MAGI2: variants seen among roughly 807,000 people sequenced by gnomAD.
MAGI2 encodes membrane-associated guanylate kinase, WW and PDZ domain-containing protein 2.
Under a neutral mutation model 133.3 loss-of-function variants are expected in MAGI2, and 35 were observed. The observed-to-expected ratio is 0.26, with a 90% CI of 0.20 to 0.35. The LOEUF (loss-of-function observed/expected upper bound fraction) is 0.35, where lower values mean the gene tolerates loss of function less well. Among genes scored for constraint, MAGI2 ranks in the 10% least tolerant of loss-of-function variants. The pLI is 1.00. For missense variants in MAGI2, 1,636 were observed against 1,863.4 expected, an observed-to-expected ratio of 0.88 and a Z score of 2.25; for synonymous variants, 729 against 710.6, an observed-to-expected ratio of 1.03 and a Z score of -0.41.
chr7:78,426,168 A>G (rs1799256640), intron 6 of MAGI2, among the ~76,000 whole-genome samples: 1 of 152,214 alleles, frequency 6.6e-6, no homozygotes, highest in Non-Finnish European at 1.5e-5. Flanking sequence ...TCAGAACTAA[A>G]AATTATAATA....
chr7:78,768,439 T>C (rs1243568788), intron 2 of MAGI2, among the ~76,000 whole-genome samples: 2 of 152,220 alleles, frequency 1.3e-5, no homozygotes, highest in African/African-American at 2.4e-5. Context: ...TCCATTGTTC[T>C]ACTAAAGAGG....
At chr7:79,169,274 T>C (rs1444275198) in intron 1 of MAGI2, among the ~76,000 whole-genome samples, 1 of 152,078 alleles carries the variant, frequency 6.6e-6, no homozygotes, top group African/African-American at 2.4e-5. Flanking sequence ...GAAAGGGAAA[T>C]TTGGAATGTG....
chr7:79,012,576 T>C (rs1006920738), intron 1 of MAGI2, among the ~76,000 whole-genome samples: 1 of 152,128 alleles, frequency 6.6e-6, no homozygotes, highest in African/African-American at 2.4e-5. Context: ...GTTTTTAACA[T>C]ACAAGGCCAT....
chr7:79,179,272 A>G (rs1826401489), intron 1 of MAGI2, among the ~76,000 whole-genome samples: 1 of 152,130 alleles, frequency 6.6e-6, no homozygotes, highest in African/African-American at 2.4e-5. Context: ...CTATTTTCAT[A>G]TAAACAATTC....
intron 1 of MAGI2, among the ~76,000 whole-genome samples, chr7:79,431,072 G>T (rs1847744454): frequency 1.3e-5 from 2 of 152,054 alleles, no homozygotes; most frequent in African/African-American, 4.8e-5. Context: ...ATAATAATTG[G>T]AACCAGCAGA....
intron 1 of MAGI2, among the ~76,000 whole-genome samples, chr7:79,157,740 T>A (rs999898346): frequency 6.6e-6 from 1 of 151,996 alleles, no homozygotes; most frequent in African/African-American, 2.4e-5. Flanking sequence ...AAGTTTGACT[T>A]GCCAACTATA....
intron 4 of MAGI2, among the ~76,000 whole-genome samples, chr7:78,505,718 T>G (rs1795025807): frequency 6.6e-6 from 1 of 152,184 alleles, no homozygotes; most frequent in Non-Finnish European, 1.5e-5. Context: ...TATGTCAAGA[T>G]GTGTAGTCTT....
intron 2 of MAGI2, among the ~76,000 whole-genome samples, chr7:78,765,150 A>T (rs912224806): frequency 1.3e-5 from 2 of 152,144 alleles, no homozygotes; most frequent in African/African-American, 2.4e-5. Flanking sequence ...TCTTACATGG[A>T]AAATCCTGAC....
chr7:79,050,758 A>T (rs1360379675), intron 1 of MAGI2, among the ~76,000 whole-genome samples: 1 of 152,184 alleles, frequency 6.6e-6, no homozygotes, highest in African/African-American at 2.4e-5. Context: ...TGACTCACCA[A>T]CATTCAGTGA....
At chr7:79,400,291 A>G (rs181089060) in intron 1 of MAGI2, among the ~76,000 whole-genome samples, 2 of 152,332 alleles carry the variant, frequency 1.3e-5, no homozygotes, top group Admixed American at 1.3e-4. Context: ...TTTATAAGGT[A>G]TACATACACA....
chr7:78,502,061 G>A (rs1382825819), intron 4 of MAGI2, among the ~76,000 whole-genome samples: 1 of 152,156 alleles, frequency 6.6e-6, no homozygotes, highest in Admixed American at 6.5e-5. Context: ...GGTATGGTGA[G>A]CAGAATAATG....
chr7:78,211,563 C>G (rs1787771273), intron 10 of MAGI2, among the ~76,000 whole-genome samples: 1 of 152,126 alleles, frequency 6.6e-6, no homozygotes, highest in Admixed American at 6.5e-5. Flanking sequence ...GATTGAGTCC[C>G]CTAACCTCTC....
intron 2 of MAGI2, among the ~76,000 whole-genome samples, chr7:78,697,305 T>C (rs1817623167): frequency 6.6e-6 from 1 of 152,210 alleles, no homozygotes; most frequent in African/African-American, 2.4e-5. Flanking sequence ...TCTGGCTTAT[T>C]GAGGCTTGGT....
chr7:78,019,760 T>C lies in MAGI2; in HGVS notation c.3923A>G (p.Gln1308Arg), dbSNP rs2151031258. 6.2e-7 allele frequency: 1 copy of C among 1,612,434 alleles called. No homozygotes were observed. Among genetic ancestry groups the C allele is most frequent in the South Asian group, 1.1e-5 (1 of 91,048 alleles). Residue 1308 changes from glutamine (Q) to arginine (R), a missense_variant, in exon 22 of 22, where the codon CAG becomes CGG. Gln to Arg is a conservative substitution (Grantham distance 43). Transcript: ENST00000354212. ...KELSACGQKK[Q>R]RLGEQRERSA... ...GCGCTCCCTCTGCTCCCCGAGGCGC[T>C]GCTTCTTCTGGCCGCAGGCTGAAAG... is the stretch of plus-strand genomic sequence containing the variant.
chr7:79,267,711 TAGA>T (rs1336274145), intron 1 of MAGI2, among the ~76,000 whole-genome samples: 1 of 152,082 alleles, frequency 6.6e-6, no homozygotes, highest in Admixed American at 6.6e-5. Context: ...AATAGACAGA[TAGA>T]AGGAGAAAAG....
At chr7:78,402,530 C>G (rs1181737332) in intron 6 of MAGI2, among the ~76,000 whole-genome samples, 1 of 152,162 alleles carries the variant, frequency 6.6e-6, no homozygotes, top group Admixed American at 6.5e-5. Flanking sequence ...GAATTTTCAA[C>G]TAATATCATG....
chr7:78,138,921 C>T lies in MAGI2; in HGVS notation c.2846-3715G>A, dbSNP rs551248018. ...TGGAGGTTGAAAGCAATTTGAATTACGAAGAGCAAGCGAATGACTATTGAG... is the reference window on the plus strand; with the variant it reads ...TGGAGGTTGAAAGCAATTTGAATTATGAAGAGCAAGCGAATGACTATTGAG... On this transcript the variant is annotated intron_variant, in intron 16 of 21. Transcript: ENST00000354212. Among the ~76,000 whole-genome samples the T allele has an allele frequency of 1.5e-4, 23 of 152,200 alleles. No individual in the cohort carries two copies. In the East Asian group the frequency reaches 3.5e-3, roughly 23 times the overall value.
At chr7:78,094,995 GGTAT>G (rs1157337350) in intron 20 of MAGI2, among the ~76,000 whole-genome samples, 5 of 151,960 alleles carry the variant, frequency 3.3e-5, no homozygotes, top group Admixed American at 6.6e-5. Context: ...CTGGTAGCAG[GGTAT>G]GTATGAGGGA....
intron 1 of MAGI2, among the ~76,000 whole-genome samples, chr7:79,197,336 T>G (rs1285505776): frequency 6.6e-6 from 1 of 152,028 alleles, no homozygotes; most frequent in African/African-American, 2.4e-5. Context: ...GAAATGAGAC[T>G]GTAAAGACCA....
Sources: allele counts gnomAD v4.1 joint callset (sites outside exome capture counted in the v4.1 genomes callset), GRCh38; gene constraint gnomAD v4.1.1; transcripts MANE v1.5; gene names NCBI Gene and HGNC (gene_info 2026-07-23, HGNC 2026-07-21).